BMAL1: variants seen among roughly 807,000 people sequenced by gnomAD.
BMAL1 encodes the protein basic helix-loop-helix ARNT like 1.
At chr11:13,385,812 T>C in the BMAL1 span, 1 of 1,568,200 alleles carries the variant, frequency 6.4e-7, no homozygotes, top group Non-Finnish European at 8.8e-7. Flanking sequence ...TCATTATTCG[T>C]TTCCATTGCA....
chr11:13,325,190 C>T, the BMAL1 span, among the ~76,000 whole-genome samples: 1 of 152,318 alleles, frequency 6.6e-6, no homozygotes, highest in South Asian at 2.1e-4. Context: ...AACCTAAGCC[C>T]TGGGATGCAT....
At chr11:13,365,357 T>A in the BMAL1 span, 44 of 512,012 alleles carry the variant, frequency 8.6e-5, no homozygotes, top group East Asian at 1.7e-4. Flanking sequence ...GTTTTCAGCA[T>A]CCTGCACTCA....
chr11:13,294,373 C>T, the BMAL1 span, among the ~76,000 whole-genome samples: 22 of 147,164 alleles, frequency 1.5e-4, no homozygotes, highest in East Asian at 4.5e-3. Context: ...GACTTTTATT[C>T]TCATCTCCTT....
chr11:13,370,143 C>T, the BMAL1 span, among the ~76,000 whole-genome samples: 1 of 152,310 alleles, frequency 6.6e-6, no homozygotes, highest in African/African-American at 2.4e-5. Context: ...CCTTTGTCTT[C>T]CTTCTTGAAG....
chr11:13,380,271 A>G, the BMAL1 span: 1 of 152,220 alleles, frequency 6.6e-6, no homozygotes, highest in African/African-American at 2.4e-5. Context: ...CCAGAAAGAA[A>G]ACTTGTTCAC....
At chr11:13,354,201 C>A in the BMAL1 span, 2 of 616,026 alleles carry the variant, frequency 3.2e-6, no homozygotes, top group African/African-American at 2.1e-5. Context: ...CCCCCCCCGG[C>A]CCCCCACCAC....
At chr11:13,292,471 T>G in the BMAL1 span, among the ~76,000 whole-genome samples, 2 of 149,728 alleles carry the variant, frequency 1.3e-5, no homozygotes, top group African/African-American at 5.0e-5. Flanking sequence ...GGCGTGAACC[T>G]GGGGGGCGGA....
At chr11:13,314,428 T>C in the BMAL1 span, among the ~76,000 whole-genome samples, 1 of 151,932 alleles carries the variant, frequency 6.6e-6, no homozygotes, top group East Asian at 1.9e-4. Flanking sequence ...GGCCATTGGG[T>C]TTATTGGGGT....
At chr11:13,386,866 C>G in the BMAL1 span, 17 of 1,315,042 alleles carry the variant, frequency 1.3e-5, no homozygotes, top group Non-Finnish European at 1.7e-5. Flanking sequence ...TATGTACTGA[C>G]TTCATAAAAG....
the BMAL1 span, among the ~76,000 whole-genome samples, chr11:13,382,296 T>TAAGA: frequency 0.65 from 99,150 of 151,682 alleles, 33,197 homozygotes; most frequent in South Asian, 0.76. Flanking sequence ...GACTACAAAG[T>TAAGA]AAGACCTGGG....
chr11:13,366,825 A>G, the BMAL1 span: 1 of 1,536,090 alleles, frequency 6.5e-7, no homozygotes, highest in South Asian at 1.1e-5. Context: ...CAGCCCACTC[A>G]CAGGCAGCCA....
the BMAL1 span, chr11:13,369,718 A>C: frequency 6.2e-7 from 1 of 1,614,080 alleles, no homozygotes; most frequent in Non-Finnish European, 8.5e-7. Context: ...ACAGGCCTTC[A>C]GTAAAGGTTG....
chr11:13,385,167 GTAA>G, the BMAL1 span, among the ~76,000 whole-genome samples: 1 of 152,184 alleles, frequency 6.6e-6, no homozygotes, highest in Non-Finnish European at 1.5e-5. Flanking sequence ...CTGAGTAGTA[GTAA>G]TAATCCTCCC....
At chr11:13,350,831 A>G in the BMAL1 span, among the ~76,000 whole-genome samples, 1 of 152,248 alleles carries the variant, frequency 6.6e-6, no homozygotes, top group African/African-American at 2.4e-5. Flanking sequence ...TTGGTCCCAC[A>G]TACAAATATC....
chr11:13,386,660 T>C, the BMAL1 span: 1 of 1,614,162 alleles, frequency 6.2e-7, no homozygotes, highest in Admixed American at 1.7e-5. Context: ...GTCCCAGTAA[T>C]GATGAGGCAG....
At chr11:13,350,923 C>T in the BMAL1 span, among the ~76,000 whole-genome samples, 4 of 152,244 alleles carry the variant, frequency 2.6e-5, no homozygotes, top group East Asian at 5.8e-4. Context: ...TCTTAGTATA[C>T]AAATTTATTC....
the BMAL1 span, among the ~76,000 whole-genome samples, chr11:13,361,150 T>A: frequency 6.6e-6 from 1 of 151,894 alleles, no homozygotes; most frequent in Non-Finnish European, 1.5e-5. Context: ...AAAAGAAAAA[T>A]AAATGCAAGA....
chr11:13,337,516 G>T, the BMAL1 span, among the ~76,000 whole-genome samples: 1 of 152,028 alleles, frequency 6.6e-6, no homozygotes, highest in African/African-American at 2.4e-5. Context: ...TTTAATTTAG[G>T]CATGAAATTA....
chr11:13,372,416 G>GTC, the BMAL1 span: 3 of 1,613,958 alleles, frequency 1.9e-6, no homozygotes, highest in Non-Finnish European at 1.7e-6. Context: ...AGAGGTAAGA[G>GTC]TCTACATACT....
Sources: gnomAD v4.1 joint callset for allele counts (sites outside exome capture counted in the v4.1 genomes callset) on GRCh38, gnomAD v4.1.1 for gene constraint, MANE v1.5 for transcripts, NCBI Gene and HGNC (gene_info 2026-07-23, HGNC 2026-07-21) for gene names.